RERG: variants seen among roughly 807,000 people sequenced by gnomAD.
RERG encodes the protein ras-related and estrogen-regulated growth inhibitor.
Under a neutral mutation model 23.2 loss-of-function variants are expected in RERG, and 25 were observed. The ratio of observed to expected loss-of-function variants is 1.08; its 90% CI spans 0.79 to 1.50. RERG has a LOEUF of 1.50. Ranked by LOEUF, RERG falls within the 40% of genes most tolerant of loss-of-function variation. The pLI is 0.00. For missense variants in RERG, 253 were observed against 250.1 expected (o/e 1.01, Z -0.08); for synonymous variants, 81 against 89.1 (o/e 0.91, Z 0.51).
chr12:15,195,509 T>A (rs941862848), intron 2 of RERG, among the ~76,000 whole-genome samples: 1 of 151,278 alleles, frequency 6.6e-6, no homozygotes, highest in African/African-American at 2.4e-5. Flanking sequence ...TAACTTCCCA[T>A]GGAAAATTTC....
chr12:15,161,028 G>A (rs973219388), intron 2 of RERG, among the ~76,000 whole-genome samples: 6 of 151,870 alleles, frequency 4.0e-5, no homozygotes, highest in Non-Finnish European at 4.4e-5. Context: ...ACAGCTACCC[G>A]GGAGGTTGAG....
At chr12:15,163,103 T>C (rs1864637249) in intron 2 of RERG, among the ~76,000 whole-genome samples, 1 of 152,118 alleles carries the variant, frequency 6.6e-6, no homozygotes, top group Non-Finnish European at 1.5e-5. Context: ...CATCACAAAA[T>C]GTAGGTGGAG....
Position 15,183,318 on chromosome 12 carries a change from C to G in RERG, c.61+34111G>C, listed in dbSNP as rs1864950018. On this transcript the variant is annotated intron_variant, in intron 2 of 4. Coordinates refer to ENST00000256953, the MANE Select transcript of RERG (RefSeq NM_032918.3). ...GATACGTGGGCAAACATATAATAAT[C>G]TGTAATCAAGAAAGCTCCAGAATAT... Among the ~76,000 whole-genome samples, 4 of 152,028 alleles carry G rather than the reference C, an allele frequency of 2.6e-5. No individual in the cohort carries two copies. In the South Asian group the frequency reaches 6.2e-4, roughly 24 times the overall value.
chr12:15,173,153 G>A (rs561262236), intron 2 of RERG, among the ~76,000 whole-genome samples: 3 of 151,990 alleles, frequency 2.0e-5, no homozygotes, highest in African/African-American at 2.4e-5. Context: ...AAATTTTGCA[G>A]ATAGTGTGAG....
chr12:15,139,014 CTTTTTT>C (rs34755371), intron 2 of RERG, among the ~76,000 whole-genome samples: 1,101 of 51,134 alleles, frequency 0.022, 29 homozygotes, highest in African/African-American at 0.076. Flanking sequence ...TGTGTCTAGA[CTTTTTT>C]TTTTTTTTTT....
At chr12:15,130,308 T>C (rs892665331) in intron 2 of RERG, among the ~76,000 whole-genome samples, 1 of 152,206 alleles carries the variant, frequency 6.6e-6, no homozygotes, top group Non-Finnish European at 1.5e-5. Context: ...TCCAGGTAGA[T>C]AGTTTAAGTA....
chr12:15,140,932 T>A (rs1326267643), intron 2 of RERG, among the ~76,000 whole-genome samples: 1 of 152,140 alleles, frequency 6.6e-6, no homozygotes, highest in Non-Finnish European at 1.5e-5. Context: ...CTTTTAGATG[T>A]GTGATTTGGT....
chr12:15,207,586 A>G (rs2136145220), intron 2 of RERG, among the ~76,000 whole-genome samples: 1 of 152,258 alleles, frequency 6.6e-6, no homozygotes, highest in East Asian at 1.9e-4. Flanking sequence ...GCAAAATCAC[A>G]GTTGTGCTCT....
intron 2 of RERG, among the ~76,000 whole-genome samples, chr12:15,213,996 ATGTGTGTGTGTGTGTG>A (rs59427690): frequency 7.6e-6 from 1 of 130,964 alleles, no homozygotes; most frequent in Admixed American, 7.6e-5. Context: ...CAGAGAAAGT[ATGTGTGTGTGTGTGTG>A]TGTGTGTGTG....
intron 2 of RERG, among the ~76,000 whole-genome samples, chr12:15,133,146 G>GATATATATATATATATATATATATATAT (rs376565973): frequency 1.5e-4 from 19 of 125,208 alleles, no homozygotes; most frequent in African/African-American, 5.8e-4. Flanking sequence ...ATCCTGTGGA[G>GATATATATATATATATATATATATATAT]ATATATATAT....
At chr12:15,211,546 C>A (rs1865366738) in intron 2 of RERG, among the ~76,000 whole-genome samples, 1 of 152,042 alleles carries the variant, frequency 6.6e-6, no homozygotes, top group South Asian at 2.1e-4. Flanking sequence ...GTGGGCAAAA[C>A]CAAGGCATTG....
chr12:15,217,873 T>C (rs1194125904), intron 1 of RERG: 1 of 175,706 alleles, frequency 5.7e-6, no homozygotes, highest in African/African-American at 2.4e-5. Context: ...AGAAATTTTC[T>C]TATGAAGGTA....
chr12:15,183,614 T>C lies in RERG; in HGVS notation c.61+33815A>G, dbSNP rs575637864. 2.0e-4 allele frequency among the ~76,000 whole-genome samples: 30 copies of C among 152,312 alleles called. No individual in the cohort carries two copies. The South Asian group carries it at 6.0e-3, about 31-fold the overall frequency. Reference sequence around the variant, plus strand: ...CCTCAAGTTATGTAAAGTTTTATGCTTACAACATGTTATTTTACTATCTGT... The same window carrying C: ...CCTCAAGTTATGTAAAGTTTTATGCCTACAACATGTTATTTTACTATCTGT... On this transcript the variant is annotated intron_variant, in intron 2 of 4. Coordinates refer to ENST00000256953, the MANE Select transcript of RERG (RefSeq NM_032918.3).
chr12:15,182,192 G>A (rs1864933590), intron 2 of RERG, among the ~76,000 whole-genome samples: 2 of 151,608 alleles, frequency 1.3e-5, no homozygotes, highest in Admixed American at 6.6e-5. Flanking sequence ...TTCAGTAGCT[G>A]GGATTACAGG....
intron 2 of RERG, among the ~76,000 whole-genome samples, chr12:15,152,497 C>A (rs1028875024): frequency 6.6e-6 from 1 of 152,148 alleles, no homozygotes; most frequent in Non-Finnish European, 1.5e-5. Context: ...CAAGCCACCT[C>A]CTAGAGATGG....
intron 2 of RERG, among the ~76,000 whole-genome samples, chr12:15,177,874 T>C (rs1337924486): frequency 6.6e-6 from 1 of 151,074 alleles, no homozygotes; most frequent in African/African-American, 2.4e-5. Flanking sequence ...GTATGACTTA[T>C]TAGATAATTG....
At chr12:15,166,972 A>G (rs1053365512) in intron 2 of RERG, among the ~76,000 whole-genome samples, 2 of 152,066 alleles carry the variant, frequency 1.3e-5, no homozygotes, top group Non-Finnish European at 2.9e-5. Context: ...CAGTTTTGCT[A>G]TATGTTCATG....
At chr12:15,188,147 A>C (rs1227786892) in intron 2 of RERG, among the ~76,000 whole-genome samples, 2 of 152,162 alleles carry the variant, frequency 1.3e-5, no homozygotes, top group Non-Finnish European at 2.9e-5. Context: ...TTAGTGAGAA[A>C]GCCAAGGCCT....
intron 2 of RERG, among the ~76,000 whole-genome samples, chr12:15,161,138 A>AAGAAAGAAAGAAAGAAAGAAAG: frequency 2.4e-5 from 1 of 41,580 alleles, no homozygotes; most frequent in Non-Finnish European, 4.5e-5. Flanking sequence ...CCATCTCAGA[A>AAGAAAGAAAGAAAGAAAGAAAG]AAAGAAAGAA....
Sources: gnomAD v4.1 joint callset for allele counts (sites outside exome capture counted in the v4.1 genomes callset) on GRCh38, gnomAD v4.1.1 for gene constraint, MANE v1.5 for transcripts, NCBI Gene and HGNC (gene_info 2026-07-23, HGNC 2026-07-21) for gene names.